The following EIF3H variants were observed in gnomAD, a reference collection of about 807,000 sequenced individuals.
EIF3H encodes eukaryotic translation initiation factor 3 subunit H.
In EIF3H, 26 loss-of-function variants were observed where a neutral mutation model predicts 44.2. The ratio of observed to expected loss-of-function variants is 0.59; its 90% CI spans 0.43 to 0.82. EIF3H has a LOEUF of 0.82. EIF3H is among the 40% of genes least tolerant of loss of function. The pLI is 0.00. For missense variants in EIF3H, 359 were observed against 432.8 expected (o/e 0.83, Z 1.51); for synonymous variants, 166 against 151.9 (o/e 1.09, Z -0.68).
chr8:116,716,895 A>C (rs763816831), intron 2 of EIF3H, among the ~76,000 whole-genome samples: 16 of 152,082 alleles, frequency 1.1e-4, no homozygotes, highest in Non-Finnish European at 2.1e-4. Flanking sequence ...CAAACAAACA[A>C]AACACCTGAA....
chr8:116,749,566 A>G (rs1184444887), intron 1 of EIF3H, among the ~76,000 whole-genome samples: 1 of 152,242 alleles, frequency 6.6e-6, no homozygotes, highest in Admixed American at 6.5e-5. Context: ...TTTAACGGGA[A>G]GAATTAGCTT....
At chr8:116,694,989 T>C (rs1160320177) in intron 2 of EIF3H, among the ~76,000 whole-genome samples, 1 of 152,032 alleles carries the variant, frequency 6.6e-6, no homozygotes, top group Non-Finnish European at 1.5e-5. Context: ...CTGCCCGCTG[T>C]CTTTAAAAAG....
chr8:116,709,831 G>T (rs921832269), intron 2 of EIF3H, among the ~76,000 whole-genome samples: 3 of 152,186 alleles, frequency 2.0e-5, no homozygotes, highest in Non-Finnish European at 4.4e-5. Context: ...AATACGAAGA[G>T]ATAAATAAGA....
chr8:116,674,670 G>A (rs893149442), intron 2 of EIF3H, among the ~76,000 whole-genome samples: 1 of 152,132 alleles, frequency 6.6e-6, no homozygotes, highest in Non-Finnish European at 1.5e-5. Flanking sequence ...AAGTGCTTTT[G>A]TGTATTGTAT....
At chr8:116,657,517 T>C (rs911311761) in intron 3 of EIF3H, 7 of 554,702 alleles carry the variant, frequency 1.3e-5, no homozygotes, top group African/African-American at 9.6e-5. Context: ...TCTATCCTAC[T>C]TACAATAGAG....
At chr8:116,702,230 G>A (rs1361347163) in intron 2 of EIF3H, among the ~76,000 whole-genome samples, 2 of 152,190 alleles carry the variant, frequency 1.3e-5, no homozygotes, top group African/African-American at 2.4e-5. Flanking sequence ...CAGATTTTTG[G>A]TTTGTGTAGT....
chr8:116,746,362 T>C (rs968003671), intron 1 of EIF3H, among the ~76,000 whole-genome samples: 15 of 152,192 alleles, frequency 9.9e-5, no homozygotes, highest in African/African-American at 3.1e-4. Flanking sequence ...TGTACCCACG[T>C]CTCCCCATTG....
intron 4 of EIF3H, 119 bp from the exon 5 acceptor site, chr8:116,656,124 T>C: frequency 1.2e-6 from 1 of 804,592 alleles, no homozygotes; most frequent in Non-Finnish European, 1.9e-6. Flanking sequence ...ATTAGCACTC[T>C]TAAAAAAAAA....
chr8:116,712,754 A>C (rs185968978), intron 2 of EIF3H, among the ~76,000 whole-genome samples: 21 of 152,290 alleles, frequency 1.4e-4, no homozygotes, highest in African/African-American at 1.9e-4. Flanking sequence ...AATATAAAGC[A>C]AACAGAACAC....
chr8:116,648,742 C>T, intron 6 of EIF3H, 64 bp downstream of exon 6: 1 of 1,487,114 alleles, frequency 6.7e-7, no homozygotes, highest in Non-Finnish European at 9.0e-7. Flanking sequence ...TCATTTTGAA[C>T]ATGACTCTTG....
At chr8:116,708,440 CAATA>C (rs537577494) in intron 2 of EIF3H, among the ~76,000 whole-genome samples, 75 of 151,828 alleles carry the variant, frequency 4.9e-4, no homozygotes, top group Non-Finnish European at 1.0e-3. Context: ...ACAAAGATAC[CAATA>C]AATACCTGTA....
intron 1 of EIF3H, chr8:116,737,332 A>G (rs1472463414): frequency 2.3e-6 from 1 of 432,436 alleles, no homozygotes; most frequent in African/African-American, 2.1e-5. Flanking sequence ...CAAATTCCCA[A>G]AAAAGCCCAT....
chr8:116,716,005 G>C (rs1256713235), intron 2 of EIF3H, among the ~76,000 whole-genome samples: 1 of 151,598 alleles, frequency 6.6e-6, no homozygotes. Flanking sequence ...TCCACTCAAA[G>C]GAGTTACCAC....
chr8:116,708,637 TA>T (rs1420656260), intron 2 of EIF3H, among the ~76,000 whole-genome samples: 3 of 152,122 alleles, frequency 2.0e-5, no homozygotes, highest in African/African-American at 4.8e-5. Flanking sequence ...GTAAAGTAGT[TA>T]AAAATCTTTC....
At chr8:116,707,572 G>C (rs899280858) in intron 2 of EIF3H, among the ~76,000 whole-genome samples, 10 of 114,602 alleles carry the variant, frequency 8.7e-5, no homozygotes, top group Non-Finnish European at 1.7e-4. Context: ...ATACTTATTT[G>C]ATAATATTCA....
intron 2 of EIF3H, among the ~76,000 whole-genome samples, chr8:116,717,798 G>C (rs763728513): frequency 6.6e-6 from 1 of 152,100 alleles, no homozygotes; most frequent in Non-Finnish European, 1.5e-5. Flanking sequence ...AAAAATTCTA[G>C]AAGCTAACAT....
At chr8:116,745,034 G>T (rs1449030632) in intron 1 of EIF3H, among the ~76,000 whole-genome samples, 2 of 152,154 alleles carry the variant, frequency 1.3e-5, no homozygotes, top group Non-Finnish European at 2.9e-5. Flanking sequence ...TTGAACAAAA[G>T]ATCCAAATTT....
At chr8:116,659,388 CTCT>C (rs1163050845) in intron 2 of EIF3H, among the ~76,000 whole-genome samples, 3 of 152,146 alleles carry the variant, frequency 2.0e-5, no homozygotes, top group Non-Finnish European at 4.4e-5. Context: ...AGTTATCAAT[CTCT>C]TCTTCAACAC....
chr8:116,656,092 C>T lies in EIF3H; in HGVS notation c.558-87G>A, dbSNP rs1220405029. On this transcript the variant is annotated intron_variant, in intron 4 of 7. Transcript: ENST00000521861. Reference sequence around the variant, plus strand: ...TTCATAAAATTTACCTAATTACAGGCCCTATCCAAGATCTTTGTTTCATTA... The same window carrying T: ...TTCATAAAATTTACCTAATTACAGGTCCTATCCAAGATCTTTGTTTCATTA... 3.2e-6 allele frequency: 4 copies of T among 1,264,966 alleles called. No individual in the cohort carries two copies. In the East Asian group the frequency reaches 9.7e-5, roughly 31 times the overall value. The allele number at this position is 1,264,966 out of a possible 1,614,324, so 78.4% of individuals were successfully genotyped here. A position where few individuals can be genotyped will look rare whatever the true frequency, so the allele number is the denominator to read the frequency against.
Sources: gnomAD v4.1 joint callset for allele counts (sites outside exome capture counted in the v4.1 genomes callset) on GRCh38, gnomAD v4.1.1 for gene constraint, MANE v1.5 for transcripts, NCBI Gene and HGNC (gene_info 2026-07-23, HGNC 2026-07-21) for gene names.